The following RGS7 variants were observed in gnomAD, a reference collection of about 807,000 sequenced individuals.
RGS7 encodes regulator of G protein signaling 7.
In RGS7, 27 loss-of-function variants were observed where a neutral mutation model predicts 81.1. That is an observed-to-expected ratio of 0.33 (90% CI 0.25 to 0.46). The LOEUF (loss-of-function observed/expected upper bound fraction) is 0.46. Among genes scored for constraint, RGS7 ranks in the 20% least tolerant of loss-of-function variants. RGS7 has a pLI of 1.00. For synonymous variants in RGS7, 208 were observed against 207.7 expected, an observed-to-expected ratio of 1.00 and a Z score of -0.01; for missense variants, 396 against 607.4, an observed-to-expected ratio of 0.65 and a Z score of 3.66.
chr1:241,213,017 A>G (rs572541566), intron 2 of RGS7, among the ~76,000 whole-genome samples: 2 of 152,156 alleles, frequency 1.3e-5, no homozygotes, highest in Non-Finnish European at 2.9e-5. Context: ...TTCATCCTCA[A>G]TGATTGCCAA....
At chr1:241,280,374 A>G (rs1337558699) in intron 2 of RGS7, among the ~76,000 whole-genome samples, 2 of 152,106 alleles carry the variant, frequency 1.3e-5, no homozygotes, top group Admixed American at 6.5e-5. Flanking sequence ...TCTAGTCTCC[A>G]AAACTATGAG....
intron 3 of RGS7, among the ~76,000 whole-genome samples, chr1:241,060,854 C>G (rs1489685004): frequency 6.6e-6 from 1 of 152,172 alleles, no homozygotes; most frequent in Non-Finnish European, 1.5e-5. Flanking sequence ...CTTAAACTCC[C>G]TTTGTGAAAG....
intron 3 of RGS7, among the ~76,000 whole-genome samples, chr1:241,026,692 T>C (rs369058273): frequency 4.9e-4 from 75 of 152,230 alleles, no homozygotes; most frequent in African/African-American, 1.3e-3. Flanking sequence ...CTGGGGGTAC[T>C]TACATTACAG....
intron 6 of RGS7, among the ~76,000 whole-genome samples, chr1:240,895,016 T>TC (rs1277454760): frequency 1.3e-5 from 2 of 152,168 alleles, no homozygotes; most frequent in African/African-American, 4.8e-5. Context: ...GATGGAACAG[T>TC]CCGTCATGGC....
intron 2 of RGS7, among the ~76,000 whole-genome samples, chr1:241,339,371 C>A (rs939221309): frequency 3.9e-5 from 6 of 152,138 alleles, no homozygotes; most frequent in African/African-American, 1.4e-4. Context: ...ATGTTTGCTA[C>A]ATTAAATTGA....
intron 3 of RGS7, among the ~76,000 whole-genome samples, chr1:241,001,763 T>C (rs1688174001): frequency 6.6e-6 from 1 of 152,130 alleles, no homozygotes; most frequent in Non-Finnish European, 1.5e-5. Context: ...AAAAGATCAC[T>C]GGTTGTCAGG....
chr1:241,001,930 A>G (rs1188274442), intron 3 of RGS7, among the ~76,000 whole-genome samples: 1 of 152,160 alleles, frequency 6.6e-6, no homozygotes, highest in African/African-American at 2.4e-5. Context: ...TGTGATAATG[A>G]TGAACCCTGT....
rs748379736 is a variant in RGS7 at position 240,870,080 on chromosome 1, C to T, written c.425G>A (p.Arg142Gln). ...LCKRTMQNKA[R>Q]LELADYEAES... ...AGCCTCATAGTCTGCGAGCTCCAGTCGTGCCTTGTTTTGCATTGTTCTCTT... is the reference window on the plus strand; with the variant it reads ...AGCCTCATAGTCTGCGAGCTCCAGTTGTGCCTTGTTTTGCATTGTTCTCTT... Residue 142 changes from arginine to glutamine, a missense_variant, in exon 7 of 19, where the codon CGA (arginine) becomes CAA (glutamine). By Grantham distance (43) the Arg-to-Gln change is conservative. Coordinates refer to ENST00000440928, the MANE Select transcript of RGS7 (RefSeq NM_001364886.1). 6.8e-6 allele frequency: 11 copies of T among 1,614,040 alleles called. No homozygotes were observed. The highest frequency in any genetic ancestry group is 1.7e-5 in the Admixed American group (1 of 60,004).
intron 3 of RGS7, among the ~76,000 whole-genome samples, chr1:241,098,169 C>A (rs574740681): frequency 6.6e-6 from 1 of 152,132 alleles, no homozygotes; most frequent in Non-Finnish European, 1.5e-5. Flanking sequence ...TTTCACAGAC[C>A]CTCATAACCT....
intron 2 of RGS7, among the ~76,000 whole-genome samples, chr1:241,099,480 C>G (rs1299588080): frequency 2.0e-5 from 3 of 152,114 alleles, no homozygotes; most frequent in Admixed American, 6.6e-5. Context: ...AACACCACAG[C>G]CTTCTGTCCG....
chr1:241,077,244 C>T (rs1164467237), intron 3 of RGS7, among the ~76,000 whole-genome samples: 2 of 152,146 alleles, frequency 1.3e-5, no homozygotes, highest in Admixed American at 1.3e-4. Context: ...TCTTAATTTA[C>T]ACAGAAAGTA....
chr1:241,258,388 A>C (rs1236675123), intron 2 of RGS7, among the ~76,000 whole-genome samples: 3 of 152,172 alleles, frequency 2.0e-5, no homozygotes, highest in Admixed American at 6.5e-5. Flanking sequence ...AGGGATTTTT[A>C]TTGGCAGAAC....
chr1:241,138,105 G>A (rs990964008), intron 2 of RGS7, among the ~76,000 whole-genome samples: 1 of 151,340 alleles, frequency 6.6e-6, no homozygotes, highest in African/African-American at 2.4e-5. Context: ...CCGGGAGGTG[G>A]AGGTTGCGGT....
intron 3 of RGS7, 108 bp downstream of exon 3, chr1:241,098,558 G>T: frequency 1.3e-6 from 1 of 772,802 alleles, no homozygotes. Context: ...AGTAGTTACT[G>T]AATAATGGAT....
chr1:241,214,201 C>A (rs1355274563), intron 2 of RGS7, among the ~76,000 whole-genome samples: 4 of 152,104 alleles, frequency 2.6e-5, no homozygotes, highest in African/African-American at 9.7e-5. Flanking sequence ...TGTTATAGAC[C>A]TGTCAGCAAC....
At chr1:240,876,700 A>G (rs1444519291) in intron 6 of RGS7, among the ~76,000 whole-genome samples, 1 of 152,132 alleles carries the variant, frequency 6.6e-6, no homozygotes, top group Non-Finnish European at 1.5e-5. Context: ...AGTGGCTCAC[A>G]CCTGTAATCC....
intron 5 of RGS7, among the ~76,000 whole-genome samples, chr1:240,931,506 C>T (rs1012511080): frequency 6.6e-6 from 1 of 152,022 alleles, no homozygotes; most frequent in Non-Finnish European, 1.5e-5. Flanking sequence ...GTGATGACTC[C>T]ACATTGCATC....
chr1:241,235,020 T>G (rs759309184), intron 2 of RGS7, among the ~76,000 whole-genome samples: 7 of 152,186 alleles, frequency 4.6e-5, no homozygotes, highest in Non-Finnish European at 8.8e-5. Flanking sequence ...CTATTCTAAT[T>G]TATTCATCAT....
At chr1:241,281,454 G>A (rs2078507043) in intron 2 of RGS7, among the ~76,000 whole-genome samples, 1 of 152,118 alleles carries the variant, frequency 6.6e-6, no homozygotes, top group Non-Finnish European at 1.5e-5. Context: ...TGGTTCTTGG[G>A]TATTTTTCAT....
Sources: gnomAD v4.1 joint callset for allele counts (sites outside exome capture counted in the v4.1 genomes callset) on GRCh38, gnomAD v4.1.1 for gene constraint, MANE v1.5 for transcripts, NCBI Gene and HGNC (gene_info 2026-07-23, HGNC 2026-07-21) for gene names.